Variants in CNBD1 observed in about 807,000 individuals in gnomAD.
The protein encoded by CNBD1 is cyclic nucleotide-binding domain-containing protein 1.
Under a neutral mutation model 54.4 loss-of-function variants are expected in CNBD1, and 71 were observed. That is an observed-to-expected ratio of 1.30 (90% confidence interval 1.08 to 1.59). CNBD1 has a LOEUF of 1.59. CNBD1 is among the 40% of genes most tolerant of loss of function. CNBD1 has a pLI of 0.00. For missense variants in CNBD1, 659 were observed against 518.0 expected (o/e 1.27, Z -2.64); for synonymous variants, 182 against 170.7 (o/e 1.07, Z -0.51).
intron 4 of CNBD1, among the ~76,000 whole-genome samples, chr8:86,949,618 G>T (rs1050208380): frequency 6.6e-6 from 1 of 152,034 alleles, no homozygotes; most frequent in Admixed American, 6.5e-5. Context: ...CATTTTAGGG[G>T]GGAGTCTTTA....
intron 2 of CNBD1, among the ~76,000 whole-genome samples, chr8:87,418,233 C>T (rs1031512052): frequency 2.6e-5 from 4 of 151,694 alleles, no homozygotes; most frequent in Non-Finnish European, 4.4e-5. Flanking sequence ...AGAAATAAAC[C>T]CACACATTTA....
At chr8:87,098,277 C>T (rs1021358252) in intron 4 of CNBD1, among the ~76,000 whole-genome samples, 4 of 152,090 alleles carry the variant, frequency 2.6e-5, no homozygotes, top group African/African-American at 7.2e-5. Flanking sequence ...TTATTTTTAA[C>T]AAATATTACT....
rs575143872 is a variant in CNBD1 at position 87,051,441 on chromosome 8, C to T, written c.431+111687C>T. Reference sequence around the variant, plus strand: ...GCACTAGAGGAATTAAAGACACACACACAGAAATATAGAGGTGTGGAGTGG... The same window carrying T: ...GCACTAGAGGAATTAAAGACACACATACAGAAATATAGAGGTGTGGAGTGG... On this transcript the variant is annotated intron_variant, in intron 4 of 10. Coordinates refer to ENST00000518476, the MANE Select transcript of CNBD1 (RefSeq NM_173538.3). Among the ~76,000 whole-genome samples the T allele has an allele frequency of 2.2e-4, 34 of 152,274 alleles. No individual in the cohort carries two copies. In the South Asian group the frequency reaches 6.8e-3, roughly 31 times the overall value.
chr8:86,994,410 C>A (rs1255899072), intron 4 of CNBD1, among the ~76,000 whole-genome samples: 16 of 152,210 alleles, frequency 1.1e-4, no homozygotes, highest in Admixed American at 1.0e-3. Flanking sequence ...GCCCCACTGT[C>A]TCCTGGCCAG....
chr8:87,309,039 C>G lies in CNBD1; in HGVS notation c.1042+22368C>G, dbSNP rs543601240. Among the ~76,000 whole-genome samples, 3 of 152,188 alleles carry G rather than the reference C, an allele frequency of 2.0e-5. No individual in the cohort carries two copies. In the East Asian group the frequency reaches 5.8e-4, roughly 29 times the overall value. On this transcript the variant is annotated intron_variant, in intron 8 of 10. Transcript: ENST00000518476. ...CATAACTTGGCTATTGTGAATAGTG[C>G]TACCTTAAGCACTAGGGTGTAGGTA...
chr8:87,399,958 G>T (rs1010012732), intron 2 of CNBD1, among the ~76,000 whole-genome samples: 1 of 151,692 alleles, frequency 6.6e-6, no homozygotes, highest in East Asian at 1.9e-4. Flanking sequence ...AATGATAAAA[G>T]GCAGGACATA....
At chr8:87,321,446 G>A (rs1809528456) in intron 8 of CNBD1, among the ~76,000 whole-genome samples, 1 of 152,134 alleles carries the variant, frequency 6.6e-6, no homozygotes, top group African/African-American at 2.4e-5. Flanking sequence ...GTAATAATTA[G>A]TGATACTGAA....
chr8:86,912,688 G>A (rs1809118973), intron 3 of CNBD1, among the ~76,000 whole-genome samples: 1 of 151,962 alleles, frequency 6.6e-6, no homozygotes, highest in Non-Finnish European at 1.5e-5. Flanking sequence ...ATTTTAGAGT[G>A]TATTTATTCT....
chr8:87,314,710 T>C (rs1480036247), intron 8 of CNBD1, among the ~76,000 whole-genome samples: 1 of 152,020 alleles, frequency 6.6e-6, no homozygotes, highest in Non-Finnish European at 1.5e-5. Flanking sequence ...TCTTGCAAGA[T>C]GAATATGTAC....
At chr8:87,114,857 GT>G (rs1339470647) in intron 4 of CNBD1, among the ~76,000 whole-genome samples, 2 of 152,094 alleles carry the variant, frequency 1.3e-5, no homozygotes, top group Non-Finnish European at 1.5e-5. Flanking sequence ...GAACACACAT[GT>G]TCACGTTCAT....
At chr8:87,424,323 G>C (rs1808004036) in intron 2 of CNBD1, among the ~76,000 whole-genome samples, 1 of 152,016 alleles carries the variant, frequency 6.6e-6, no homozygotes, top group African/African-American at 2.4e-5. Flanking sequence ...GCTAGCTTTT[G>C]AATGTGTTTG....
intron 9 of CNBD1, among the ~76,000 whole-genome samples, chr8:87,352,314 A>T (rs974324704): frequency 6.6e-6 from 1 of 151,984 alleles, no homozygotes; most frequent in African/African-American, 2.4e-5. Flanking sequence ...CCCTGTCTTT[A>T]CTAAAAAATA....
At chr8:87,295,253 T>A (rs1808857786) in intron 8 of CNBD1, among the ~76,000 whole-genome samples, 1 of 151,886 alleles carries the variant, frequency 6.6e-6, no homozygotes, top group Admixed American at 6.6e-5. Context: ...TTGTTTTCAA[T>A]CAGTTTTGAC....
At position 86,948,501 on chromosome 8, in the gene CNBD1, TATG is replaced by T. The variant is rs144875015; in HGVS notation, c.431+8750_431+8752del. Among the ~76,000 whole-genome samples the T allele has an allele frequency of 2.9e-3, 441 of 152,300 alleles. 3 individuals are homozygous for T. The highest frequency in any genetic ancestry group is 0.01 in the African/African-American group (428 of 41,570). On this transcript the variant is annotated intron_variant, in intron 4 of 10. Transcript: ENST00000518476. Reference sequence around the variant, plus strand: ...TTGTAGTTTTGATTTGCATTTATCTTATGATCAATGATTTTGAACATCTTTTCA... The same window carrying T: ...TTGTAGTTTTGATTTGCATTTATCTTATCAATGATTTTGAACATCTTTTCA...
chr8:87,289,647 CA>C (rs1808752273), intron 8 of CNBD1, among the ~76,000 whole-genome samples: 1 of 152,118 alleles, frequency 6.6e-6, no homozygotes, highest in South Asian at 2.1e-4. Context: ...AAAAAAATTA[CA>C]GCAACATATT....
chr8:87,148,469 G>A (rs1370165983), intron 4 of CNBD1, among the ~76,000 whole-genome samples: 1 of 152,184 alleles, frequency 6.6e-6, no homozygotes, highest in Non-Finnish European at 1.5e-5. Flanking sequence ...ACAGAACAGA[G>A]ATTCAAATGG....
intron 8 of CNBD1, among the ~76,000 whole-genome samples, chr8:87,289,738 A>C (rs1028668082): frequency 2.0e-5 from 3 of 152,102 alleles, no homozygotes; most frequent in Non-Finnish European, 4.4e-5. Flanking sequence ...CTCAAACCAA[A>C]TGTGGAGTGT....
rs373573408 is a variant in CNBD1 at position 87,241,311 on chromosome 8, C to T, written c.771+4199C>T. On this transcript the variant is annotated intron_variant, in intron 6 of 10. Transcript: ENST00000518476. Reference sequence around the variant, plus strand: ...TTTTTTGAGGAGTCTCGCTCTGTCGCCCAGGCTGGAGTGCAGTGGCGCGAT... The same window carrying T: ...TTTTTTGAGGAGTCTCGCTCTGTCGTCCAGGCTGGAGTGCAGTGGCGCGAT... 4.5e-3 allele frequency among the ~76,000 whole-genome samples: 611 copies of T among 135,316 alleles called. 2 individuals are homozygous for T. The highest frequency in any genetic ancestry group is 6.8e-3 in the South Asian group (29 of 4,284). 88.8% of individuals were successfully genotyped at this position (135,316 alleles called of 152,430 possible). A position where few individuals can be genotyped will look rare whatever the true frequency, so the allele number is the denominator to read the frequency against.
At chr8:87,243,444 C>G (rs1310097779) in intron 6 of CNBD1, among the ~76,000 whole-genome samples, 1 of 152,152 alleles carries the variant, frequency 6.6e-6, no homozygotes, top group Non-Finnish European at 1.5e-5. Flanking sequence ...TTTGCTGCCT[C>G]CAGATTTCTG....
Sources: gnomAD v4.1 joint callset for allele counts (sites outside exome capture counted in the v4.1 genomes callset) on GRCh38, gnomAD v4.1.1 for gene constraint, MANE v1.5 for transcripts, NCBI Gene and HGNC (gene_info 2026-07-23, HGNC 2026-07-21) for gene names.